Variants in FBN3 observed in about 807,000 individuals in gnomAD.
The protein encoded by FBN3 is fibrillin 3, also known as fibrillin-3.
FBN3 carries 234 observed loss-of-function variants against 330.1 expected under a neutral mutation model. The ratio of observed to expected loss-of-function variants is 0.71; its 90% CI spans 0.64 to 0.79. The LOEUF (loss-of-function observed/expected upper bound fraction) is 0.79. FBN3 is among the 30% of genes least tolerant of loss of function. The pLI is 0.00. For synonymous variants in FBN3, 1,458 were observed against 1,517.3 expected, an observed-to-expected ratio of 0.96 and a Z score of 0.91; for missense variants, 3,606 against 3,886.9, an observed-to-expected ratio of 0.93 and a Z score of 1.92.
rs905625241 is a variant in FBN3 at position 8,147,486 on chromosome 19, G to A, written c.-6C>T. On this transcript the variant is annotated 5_prime_UTR_variant, in exon 2 of 64. Coordinates refer to ENST00000600128, the MANE Select transcript of FBN3 (RefSeq NM_032447.5). ...TACAGACCCTCCAGAGTCATGGCGT[G>A]TCCCCTGGAGGCTGCGGAGAGGAAG... The A allele has an allele frequency of 2.0e-6, 3 of 1,464,528 alleles. No homozygotes were observed. In the Middle Eastern group the frequency reaches 5.7e-4, roughly 280 times the overall value. The allele number at this position is 1,464,528 out of a possible 1,614,324, so 90.7% of individuals were successfully genotyped here.
In FBN3 at chr19:8,088,047, A is replaced by G; in HGVS notation, c.6496+13T>C. 6.2e-7 allele frequency: 1 copy of G among 1,614,122 alleles called. No homozygotes were observed. On this transcript the variant is annotated intron_variant, in intron 52 of 63. Coordinates refer to ENST00000600128, the MANE Select transcript of FBN3 (RefSeq NM_032447.5). The stretch of plus-strand genomic sequence containing the variant: ...CGTCACACGGCCCAGGTCCTGGGCA[A>G]GCAGAGTTGTACCCTCGCAGGTCAT...
chr19:8,142,226 C>T, intron 6 of FBN3, 89 bp from the exon 7 acceptor site: 1 of 1,013,952 alleles, frequency 9.9e-7, no homozygotes, highest in Admixed American at 2.2e-5. Context: ...GCGGCCCCTG[C>T]ACCCACAGAC....
intron 13 of FBN3, 25 bp downstream of exon 13, chr19:8,135,936 G>GGGGGGGGGGGCGCCCCCCCCCCCCCCCCC: frequency 1.5e-6 from 1 of 668,776 alleles, no homozygotes. Context: ...GGAAGCCCCT[G>GGGGGGGGGGGCGCCCCCCCCCCCCCCCCC]CCCACCCGCC....
At chr19:8,091,339 C>T (rs2082089335) in intron 48 of FBN3, 126 bp downstream of exon 48, 2 of 1,299,496 alleles carry the variant, frequency 1.5e-6, no homozygotes, top group Admixed American at 2.2e-5. Flanking sequence ...CTAATGCAAA[C>T]AGACACCTCT....
intron 6 of FBN3, among the ~76,000 whole-genome samples, chr19:8,142,454 A>C (rs1232459531): frequency 6.6e-6 from 1 of 152,004 alleles, no homozygotes; most frequent in Non-Finnish European, 1.5e-5. Context: ...TCCTCCCTTC[A>C]GGCCTGGGCA....
At chr19:8,110,415 G>A (rs2082550260) in intron 34 of FBN3, among the ~76,000 whole-genome samples, 1 of 152,130 alleles carries the variant, frequency 6.6e-6, no homozygotes, top group African/African-American at 2.4e-5. Context: ...CCAACCTGTA[G>A]GTCAAATCCG....
intron 27 of FBN3, 59 bp from the exon 28 acceptor site, chr19:8,117,350 G>GT: frequency 6.5e-7 from 1 of 1,536,094 alleles, no homozygotes; most frequent in East Asian, 2.5e-5. Flanking sequence ...GGATGGGGAG[G>GT]GGGCTGGTTT....
intron 63 of FBN3, 64 bp downstream of exon 63, chr19:8,071,984 A>G: frequency 6.6e-7 from 1 of 1,513,292 alleles, no homozygotes; most frequent in Non-Finnish European, 8.9e-7. Flanking sequence ...AGTCGGGTCC[A>G]CAGCCTCTTT....
intron 46 of FBN3, among the ~76,000 whole-genome samples, 159 bp from the exon 47 acceptor site, chr19:8,094,724 G>A (rs1430012952): frequency 1.3e-5 from 2 of 152,222 alleles, no homozygotes; most frequent in Non-Finnish European, 2.9e-5. Context: ...TGAGACTCAG[G>A]ACGACAGGGA....
intron 6 of FBN3, among the ~76,000 whole-genome samples, chr19:8,143,068 T>C (rs1401657624): frequency 1.3e-5 from 2 of 151,978 alleles, no homozygotes; most frequent in Non-Finnish European, 2.9e-5. Flanking sequence ...TCTGAAAATC[T>C]CACAAGCCTG....
rs2082232280 is a variant in FBN3, at chr19:8,097,289, C to T, written c.5287G>A (p.Asp1763Asn). The stretch of plus-strand genomic sequence containing the variant: ...GGCTGGGAACAGGGAGAGGTGGCAC[C>T]TTCACAAGCCAGCAGGATGCTGTTG... ...NYNSILLACE[D>N]VDECGSRESP... The change falls in exon 42 of 64, where the codon GAT becomes AAT. Residue 1763 changes from aspartate to asparagine, a missense_variant and splice_region_variant. Physicochemically the swap from Asp to Asn is conservative, Grantham distance 23 (BLOSUM62 1). Transcript: ENST00000600128. 6.2e-7 allele frequency: 1 copy of T among 1,603,080 alleles called. No individual in the cohort carries two copies. Among genetic ancestry groups the T allele is most frequent in the African/African-American group, 1.3e-5 (1 of 74,740 alleles).
rs2081773788 is a variant in FBN3 at position 8,081,193 on chromosome 19, T to C, written c.7337-74A>G. Reference sequence around the variant, plus strand: ...TTAGGGGCTTCCCAGGGGCTGCCCTTGCCACCTCCAGGCAGAGGGGTGACA... The same window carrying C: ...TTAGGGGCTTCCCAGGGGCTGCCCTCGCCACCTCCAGGCAGAGGGGTGACA... On this transcript the variant is annotated intron_variant, in intron 58 of 63. Transcript: ENST00000600128. 6 of 1,511,784 alleles carry C rather than the reference T, an allele frequency of 4.0e-6. No individual in the cohort carries two copies. In the South Asian group the frequency reaches 6.8e-5, roughly 17 times the overall value. The allele number at this position is 1,511,784 out of a possible 1,614,324, so 93.6% of individuals were successfully genotyped here.
In FBN3 at chr19:8,129,904, T is replaced by C. The variant is rs1211826241; in HGVS notation, c.2045-539A>G. Among the ~76,000 whole-genome samples the C allele has an allele frequency of 6.8e-6, 1 of 147,320 alleles. No homozygotes were observed. The highest frequency in any genetic ancestry group is 2.5e-5 in the African/African-American group (1 of 40,228). ...GAGACCCATGTCTATAAAAAGCAAT[T>C]TTTTTTTTTTTGAGATAGGGTCTCA... On this transcript the variant is annotated intron_variant, in intron 16 of 63. Transcript: ENST00000600128. This position sits in a 1 kb window ranked among gnomAD's most constrained non-coding sequence, Gnocchi z 4.5.
intron 63 of FBN3, among the ~76,000 whole-genome samples, chr19:8,067,627 C>A (rs1343735179): frequency 6.6e-6 from 1 of 151,984 alleles, no homozygotes; most frequent in Non-Finnish European, 1.5e-5. Flanking sequence ...GACCCTGTCT[C>A]AAAAATATAT....
intron 32 of FBN3, 93 bp downstream of exon 32, chr19:8,111,555 G>T (rs2082583390): frequency 7.3e-7 from 1 of 1,362,378 alleles, no homozygotes; most frequent in Non-Finnish European, 1.0e-6. Flanking sequence ...GTCAGAAGGA[G>T]TCAGGAGGTC....
Position 8,072,185 on chromosome 19 carries a change from C to T in FBN3, c.7951G>A (p.Gly2651Ser), listed in dbSNP as rs141490945. 4.9e-4 allele frequency: 758 copies of T among 1,551,624 alleles called. 4 individuals are homozygous for T. The African/African-American group carries it at 9.1e-3, about 19-fold the overall frequency. Reference protein sequence around the residue: ...FRAGQGHCVSGLGFSPGPQDT... With the variant: ...FRAGQGHCVSSLGFSPGPQDT... ...TGGGGTCCGGGGCTGAAGCCCAGGC[C>T]GGAGACACAGTGCCTGGGCCAGGAT... Residue 2651 changes from glycine to serine, a missense_variant, in exon 63 of 64, where the codon GGC becomes AGC. Transcript: ENST00000600128.
At chr19:8,115,195 GT>G (rs1265597663) in intron 30 of FBN3, among the ~76,000 whole-genome samples, 1 of 152,188 alleles carries the variant, frequency 6.6e-6, no homozygotes, top group Non-Finnish European at 1.5e-5. Flanking sequence ...GTGATCATTT[GT>G]TATGGCAGCC....
chr19:8,126,827 C>T lies in FBN3; in HGVS notation c.2302G>A (p.Asp768Asn), dbSNP rs762795790. ...ACACACGGGCTGGACAGGCATTCGT[C>T]GACATCTGTGGGGACAGCCCCCCAC... ...WQDTEICKDV[D>N]ECLSSPCVSG... Residue 768 changes from aspartate to asparagine, a missense_variant, in exon 19 of 64, where the codon GAC becomes AAC. Transcript: ENST00000600128. 3.7e-5 allele frequency: 58 copies of T among 1,558,526 alleles called. No homozygotes were observed. The highest frequency in any genetic ancestry group is 4.6e-5 in the Non-Finnish European group (53 of 1,155,668).
chr19:8,112,784 T>C (rs1437623495), intron 30 of FBN3, among the ~76,000 whole-genome samples: 1 of 152,252 alleles, frequency 6.6e-6, no homozygotes, highest in East Asian at 1.9e-4. Flanking sequence ...ATCTCTGCCA[T>C]GTTAAACCTT....
Sources: allele counts gnomAD v4.1 joint callset (sites outside exome capture counted in the v4.1 genomes callset), GRCh38; gene constraint gnomAD v4.1.1; non-coding constraint Gnocchi (gnomAD v3.1); transcripts MANE v1.5; gene names NCBI Gene and HGNC (gene_info 2026-07-23, HGNC 2026-07-21).